The following TCF7L2 variants were observed in gnomAD, a reference collection of about 807,000 sequenced individuals.
TCF7L2 encodes the protein transcription factor 7 like 2.
A neutral mutation model predicts 77.9 loss-of-function variants in TCF7L2; 23 were observed. The ratio of observed to expected loss-of-function variants is 0.30; its 90% CI spans 0.21 to 0.42. The LOEUF is 0.42. TCF7L2 is among the 10% of genes least tolerant of loss of function. TCF7L2 has a pLI of 1.00. For missense variants in TCF7L2, 654 were observed against 793.1 expected, an observed-to-expected ratio of 0.82 and a Z score of 2.11; for synonymous variants, 413 against 340.2, an observed-to-expected ratio of 1.21 and a Z score of -2.36.
intron 5 of TCF7L2, among the ~76,000 whole-genome samples, chr10:113,094,173 G>A (rs763331838): frequency 2.6e-5 from 4 of 152,194 alleles, no homozygotes; most frequent in Non-Finnish European, 5.9e-5. Context: ...AAATTTCAGG[G>A]AAGAAGAGAC....
chr10:112,968,074 A>G (rs576470163), intron 4 of TCF7L2, among the ~76,000 whole-genome samples: 1 of 152,238 alleles, frequency 6.6e-6, no homozygotes, highest in South Asian at 2.1e-4. Context: ...AGTTTTCCAT[A>G]TGTGAACGTC....
At chr10:112,958,609 G>GA (rs2034284666) in intron 3 of TCF7L2, among the ~76,000 whole-genome samples, 1 of 152,074 alleles carries the variant, frequency 6.6e-6, no homozygotes, top group East Asian at 1.9e-4. Flanking sequence ...GAATGAATGG[G>GA]AAAGAGTGAC....
At chr10:113,123,369 T>C (rs2065089621) in intron 5 of TCF7L2, among the ~76,000 whole-genome samples, 2 of 152,232 alleles carry the variant, frequency 1.3e-5, no homozygotes, top group Non-Finnish European at 2.9e-5. Context: ...GCAAAGGCTC[T>C]TTACTTTAGA....
chr10:113,014,648 G>C (rs2047036924), intron 4 of TCF7L2, among the ~76,000 whole-genome samples: 1 of 152,132 alleles, frequency 6.6e-6, no homozygotes, highest in Non-Finnish European at 1.5e-5. Context: ...AGCCAGGTGT[G>C]GTGGTGGGCG....
intron 4 of TCF7L2, among the ~76,000 whole-genome samples, chr10:112,975,439 GA>G (rs1414981184): frequency 6.6e-6 from 1 of 152,090 alleles, no homozygotes; most frequent in African/African-American, 2.4e-5. Flanking sequence ...CGTTGCAGGG[GA>G]CCATCCCGTG....
chr10:113,096,628 C>T (rs2061003018), intron 5 of TCF7L2, among the ~76,000 whole-genome samples: 1 of 151,920 alleles, frequency 6.6e-6, no homozygotes, highest in African/African-American at 2.4e-5. Context: ...ATTTGCTTTT[C>T]CTGGTCAATG....
intron 4 of TCF7L2, among the ~76,000 whole-genome samples, chr10:113,021,204 G>A (rs138505169): frequency 7.0e-4 from 107 of 152,316 alleles, no homozygotes; most frequent in African/African-American, 2.6e-3. Context: ...CGGGTTGCCT[G>A]AGCTCTTTTC....
At chr10:113,056,815 G>A (rs371457305) in intron 5 of TCF7L2, among the ~76,000 whole-genome samples, 3 of 152,272 alleles carry the variant, frequency 2.0e-5, no homozygotes, top group East Asian at 1.9e-4. Context: ...TTGGAAAAGC[G>A]TCATCGCCTC....
intron 5 of TCF7L2, among the ~76,000 whole-genome samples, chr10:113,124,046 A>G (rs1592014824): frequency 6.6e-6 from 1 of 152,260 alleles, no homozygotes; most frequent in East Asian, 1.9e-4. Flanking sequence ...TTCTGACGGG[A>G]TAGGCATAAA....
At chr10:113,027,049 G>C (rs2049314149) in intron 4 of TCF7L2, among the ~76,000 whole-genome samples, 2 of 152,234 alleles carry the variant, frequency 1.3e-5, no homozygotes, top group South Asian at 4.1e-4. Flanking sequence ...AGAGAAGGGA[G>C]AGTGGTCAGC....
At chr10:113,056,846 G>C (rs1472781993) in intron 5 of TCF7L2, among the ~76,000 whole-genome samples, 2 of 152,068 alleles carry the variant, frequency 1.3e-5, no homozygotes, top group African/African-American at 4.8e-5. Context: ...GCTGGGAGAG[G>C]CTGCCTGGTG....
chr10:113,102,111 C>CAA (rs139047649), intron 5 of TCF7L2, among the ~76,000 whole-genome samples: 9 of 71,740 alleles, frequency 1.3e-4, no homozygotes, highest in African/African-American at 4.1e-4. Context: ...GTGACTCCAT[C>CAA]AAAAAAAAAA....
intron 5 of TCF7L2, among the ~76,000 whole-genome samples, chr10:113,123,911 C>G (rs1004487679): frequency 6.6e-6 from 1 of 152,132 alleles, no homozygotes; most frequent in Non-Finnish European, 1.5e-5. Context: ...TTTTTAGGAC[C>G]TATTCCAAAA....
rs71489997 is a variant in TCF7L2 at position 113,073,099 on chromosome 10, C to CGT, written c.552+33003_552+33004dup. On this transcript the variant is annotated intron_variant, in intron 5 of 13. Transcript: ENST00000627217. ...ATGTGTACCTAGGGCAGGGCCAGGT[C>CGT]GTGTGTGTGTGTGTGTGTGTGTGTG... Among the ~76,000 whole-genome samples, 338 of 104,016 alleles carry CGT rather than the reference C, an allele frequency of 3.2e-3. 2 individuals are homozygous for CGT. The highest frequency in any genetic ancestry group is 3.0e-3 in the Non-Finnish European group (157 of 53,084). The allele number at this position is 104,016 out of a possible 152,430, so 68.2% of individuals were successfully genotyped here.
chr10:113,084,324 G>C (rs1013178719), intron 5 of TCF7L2, among the ~76,000 whole-genome samples: 2 of 152,318 alleles, frequency 1.3e-5, no homozygotes, highest in East Asian at 3.9e-4. Flanking sequence ...TAGAACTGAT[G>C]GTGTAATTCC....
chr10:113,019,798 AT>A lies in TCF7L2; in HGVS notation c.451-20214del, dbSNP rs76642887. 8.3e-3 allele frequency among the ~76,000 whole-genome samples: 1,228 copies of A among 147,704 alleles called. 17 individuals are homozygous for A. Among genetic ancestry groups the A allele is most frequent in the African/African-American group, 0.027 (1,099 of 40,824 alleles). ...GCAGGCGGTCACATGAACAGCTGAC[AT>A]TTTTTTTTTTTTCATGTGGACTTCA... On this transcript the variant is annotated intron_variant, in intron 4 of 13. Coordinates refer to ENST00000627217, the MANE Select transcript of TCF7L2 (RefSeq NM_001146274.2).
At chr10:113,129,046 C>T (rs934695943) in intron 5 of TCF7L2, among the ~76,000 whole-genome samples, 1 of 152,116 alleles carries the variant, frequency 6.6e-6, no homozygotes, top group Non-Finnish European at 1.5e-5. Context: ...TACTAGCGAG[C>T]CCAGGAAGCT....
intron 11 of TCF7L2, among the ~76,000 whole-genome samples, chr10:113,153,133 G>A (rs1406040274): frequency 6.6e-6 from 1 of 152,174 alleles, no homozygotes; most frequent in Non-Finnish European, 1.5e-5. Context: ...CCTCTCTTGG[G>A]TTGTAGGAAA....
Position 113,158,733 on chromosome 10 carries a change from T to G in TCF7L2, c.1318+664T>G. 6.2e-7 allele frequency: 1 copy of G among 1,611,996 alleles called. No individual in the cohort carries two copies. Among genetic ancestry groups the G allele is most frequent in the Non-Finnish European group, 8.5e-7 (1 of 1,179,254 alleles). Reference sequence around the variant, plus strand: ...CCGATTACAGGTGCTAATGTCATTTTGAGTCATTAAAATAGTTGATAAACT... The same window carrying G: ...CCGATTACAGGTGCTAATGTCATTTGGAGTCATTAAAATAGTTGATAAACT... On this transcript the variant is annotated intron_variant, in intron 12 of 13. Transcript: ENST00000627217.
Sources: allele counts gnomAD v4.1 joint callset (sites outside exome capture counted in the v4.1 genomes callset), GRCh38; gene constraint gnomAD v4.1.1; transcripts MANE v1.5; gene names NCBI Gene and HGNC (gene_info 2026-07-23, HGNC 2026-07-21).